Variants in GPR180 observed in about 807,000 individuals in gnomAD.
The protein encoded by GPR180 is G protein-coupled receptor 180.
GPR180 carries 53 observed loss-of-function variants against 52.6 expected under a neutral mutation model. The ratio of observed to expected loss-of-function variants is 1.01; its 90% confidence interval spans 0.81 to 1.27. The LOEUF is 1.27. Among genes scored for constraint, GPR180 ranks in the 50% most tolerant of loss-of-function variants. The pLI is 0.00. For synonymous variants in GPR180, 200 were observed against 193.1 expected, an observed-to-expected ratio of 1.04 and a Z score of -0.30; for missense variants, 533 against 527.0, an observed-to-expected ratio of 1.01 and a Z score of -0.11.
chr13:94,611,525 G>C lies in GPR180; in HGVS notation c.305-665G>C, dbSNP rs538002078. Among the ~76,000 whole-genome samples, 165 of 152,214 alleles carry C rather than the reference G, an allele frequency of 1.1e-3. 1 individual carries two copies. The highest frequency in any genetic ancestry group is 3.9e-3 in the African/African-American group (162 of 41,508). ...AATGTCATTAACCAACCCGGAAACT[G>C]TGAAAATATCGAAAATCAAAATTCA... is the stretch of plus-strand genomic sequence containing the variant. On this transcript the variant is annotated intron_variant, in intron 2 of 8. Coordinates refer to ENST00000376958, the MANE Select transcript of GPR180 (RefSeq NM_180989.6).
Position 94,601,881 on chromosome 13 carries a change from C to A in GPR180, c.-47C>A, listed in dbSNP as rs763374044. The A allele has an allele frequency of 8.5e-5, 114 of 1,338,618 alleles. No individual in the cohort carries two copies. The highest frequency in any genetic ancestry group is 1.0e-4 in the Non-Finnish European group (108 of 1,044,262). 82.9% of individuals were successfully genotyped at this position (1,338,618 alleles called of 1,614,324 possible). A position where few individuals can be genotyped will look rare whatever the true frequency, so the allele number is the denominator to read the frequency against. ...CAGCTGCCGACGTGGGGCGGGCAGC[C>A]GCCGGCGGCTGGGAGCCGAGGCGTC... On this transcript the variant is annotated 5_prime_UTR_variant, in exon 1 of 9. Transcript: ENST00000376958.
chr13:94,626,990 C>T (rs769325812), intron 8 of GPR180, 23 bp from the exon 9 acceptor site: 2 of 1,540,494 alleles, frequency 1.3e-6, no homozygotes, highest in Admixed American at 2.0e-5. Context: ...GTAGTAAAAG[C>T]ATTCCTTTCC....
chr13:94,621,262 C>T (rs760989872), intron 6 of GPR180, 27 bp downstream of exon 6: 4 of 1,506,174 alleles, frequency 2.7e-6, no homozygotes, highest in Non-Finnish European at 3.5e-6. Flanking sequence ...AGTGTTTCTG[C>T]TTAGTAATCC....
At chr13:94,619,097 T>C in intron 3 of GPR180, 53 bp from the exon 4 acceptor site, 1 of 1,440,876 alleles carries the variant, frequency 6.9e-7, no homozygotes, top group Non-Finnish European at 9.6e-7. Flanking sequence ...AGCAGCCCAA[T>C]ACGATAACTG....
At chr13:94,602,414 G>C (rs956906411) in intron 1 of GPR180, among the ~76,000 whole-genome samples, 1 of 151,496 alleles carries the variant, frequency 6.6e-6, no homozygotes, top group Non-Finnish European at 1.5e-5. Context: ...CCGCAAAGAA[G>C]CATATTTGCT....
rs1350463055 is a variant in GPR180, at chr13:94,623,053, T to C, written c.895-56T>C. On this transcript the variant is annotated intron_variant, in intron 6 of 8. Coordinates refer to ENST00000376958, the MANE Select transcript of GPR180 (RefSeq NM_180989.6). Reference sequence around the variant, plus strand: ...ATGTTTATTAAAGAGTTGAAAAAAATATTGTAATGAGGTATATTTTTTTTT... The same window carrying C: ...ATGTTTATTAAAGAGTTGAAAAAAACATTGTAATGAGGTATATTTTTTTTT... 6 of 1,293,954 alleles carry C rather than the reference T, an allele frequency of 4.6e-6. No individual in the cohort carries two copies. In the East Asian group the frequency reaches 1.2e-4, roughly 25 times the overall value. The allele number at this position is 1,293,954 out of a possible 1,614,324, so 80.2% of individuals were successfully genotyped here.
In GPR180 at chr13:94,602,006, G is replaced by A. The variant is rs956650087; in HGVS notation, c.79G>A (p.Gly27Ser). ...GGGCAGCCAGGGTAAGACCCTGCGG[G>A]GCAGCTTCAGCAGCACCGCGGCCCA... ...PQGSQGKTLR[G>S]SFSSTAAQDA... The change falls in exon 1 of 9, where the codon GGC (glycine) becomes AGC (serine). Residue 27 changes from glycine to serine, a missense_variant. By Grantham distance (56) the Gly-to-Ser change is moderately conservative. Transcript: ENST00000376958. The A allele has an allele frequency of 3.4e-6, 5 of 1,474,950 alleles. No homozygotes were observed. Among genetic ancestry groups the A allele is most frequent in the Non-Finnish European group, 4.5e-6 (5 of 1,115,150 alleles). 91.4% of individuals were successfully genotyped at this position (1,474,950 alleles called of 1,614,324 possible).
chr13:94,623,010 T>C, intron 6 of GPR180, 99 bp from the exon 7 acceptor site: 1 of 809,158 alleles, frequency 1.2e-6, no homozygotes, highest in East Asian at 2.6e-5. Flanking sequence ...TAGGAATGTT[T>C]ATATAACATT....
intron 2 of GPR180, among the ~76,000 whole-genome samples, chr13:94,606,818 G>T (rs1042101541): frequency 2.0e-5 from 3 of 152,224 alleles, no homozygotes; most frequent in African/African-American, 4.8e-5. Context: ...AGATGATATT[G>T]TGAGAAGATA....
At chr13:94,602,164 C>A in intron 1 of GPR180, 92 bp downstream of exon 1, 4 of 1,189,168 alleles carry the variant, frequency 3.4e-6, no homozygotes, top group Non-Finnish European at 4.3e-6. Context: ...CTCCCTGCCA[C>A]GTTGGGCGAG....
At chr13:94,622,495 A>C (rs1055924431) in intron 6 of GPR180, among the ~76,000 whole-genome samples, 2 of 152,216 alleles carry the variant, frequency 1.3e-5, no homozygotes, top group Admixed American at 6.5e-5. Flanking sequence ...AGACTATACA[A>C]ATACATACGT....
Position 94,631,645 on chromosome 13 carries a change from G to C in GPR180, c.*4474G>C, listed in dbSNP as rs151221588. On this transcript the variant is annotated 3_prime_UTR_variant, in exon 9 of 9. Coordinates refer to ENST00000376958, the MANE Select transcript of GPR180 (RefSeq NM_180989.6). ...ATACTAGATGCTCAAAAATATTTTT[G>C]AGTGAATGAAGGCAATGCTGAAAAA... 2 of 148,398 alleles carry C rather than the reference G, an allele frequency of 1.3e-5. No individual in the cohort carries two copies. Among genetic ancestry groups the C allele is most frequent in the Non-Finnish European group, 3.0e-5 (2 of 67,354 alleles). The allele number at this position is 148,398 out of a possible 1,614,324, so 9.2% of individuals were successfully genotyped here. A position where few individuals can be genotyped will look rare whatever the true frequency, so the allele number is the denominator to read the frequency against.
intron 6 of GPR180, among the ~76,000 whole-genome samples, chr13:94,621,863 G>A (rs1889856852): frequency 6.6e-6 from 1 of 151,718 alleles, no homozygotes; most frequent in Non-Finnish European, 1.5e-5. Context: ...TATGTTCAAT[G>A]GATTTGTAAA....
chr13:94,631,352 A>G lies in GPR180; in HGVS notation c.*4181A>G, dbSNP rs918767005. The G allele has an allele frequency of 3.3e-5, 5 of 151,824 alleles. No individual in the cohort carries two copies. Among genetic ancestry groups the G allele is most frequent in the Non-Finnish European group, 7.4e-5 (5 of 68,010 alleles). 9.4% of individuals were successfully genotyped at this position (151,824 alleles called of 1,614,324 possible). On this transcript the variant is annotated 3_prime_UTR_variant, in exon 9 of 9. Coordinates refer to ENST00000376958, the MANE Select transcript of GPR180 (RefSeq NM_180989.6). ...GACACAAAAGAAACCGCCTCCTATA[A>G]TCCCTATAATAAGCCCCTTATTTTG...
intron 2 of GPR180, among the ~76,000 whole-genome samples, chr13:94,608,800 G>A (rs535263501): frequency 1.6e-4 from 25 of 152,226 alleles, no homozygotes; most frequent in African/African-American, 4.8e-4. Flanking sequence ...CAGCTCCTAC[G>A]TAAAACCTTG....
At chr13:94,622,326 T>G (rs925408689) in intron 6 of GPR180, among the ~76,000 whole-genome samples, 2 of 152,252 alleles carry the variant, frequency 1.3e-5, no homozygotes, top group African/African-American at 4.8e-5. Context: ...ATTTCATTTT[T>G]ATTATTTCAT....
Position 94,631,613 on chromosome 13 carries a change from C to G in GPR180, c.*4442C>G, listed in dbSNP as rs1223603106. On this transcript the variant is annotated 3_prime_UTR_variant, in exon 9 of 9. Coordinates refer to ENST00000376958, the MANE Select transcript of GPR180 (RefSeq NM_180989.6). ...TGTATGCCTAATACTAGGACACTCC[C>G]TGGTGCATACTAGATGCTCAAAAAT... The G allele has an allele frequency of 1.4e-5, 2 of 145,902 alleles. No homozygotes were observed. The highest frequency in any genetic ancestry group is 7.0e-5 in the Admixed American group (1 of 14,316). 9.0% of individuals were successfully genotyped at this position (145,902 alleles called of 1,614,324 possible). A position where few individuals can be genotyped will look rare whatever the true frequency, so the allele number is the denominator to read the frequency against.
rs1436578166 is a variant in GPR180, at chr13:94,609,470, T to C, written c.305-2720T>C. Among the ~76,000 whole-genome samples the C allele has an allele frequency of 5.9e-5, 9 of 152,302 alleles. No homozygotes were observed. The East Asian group carries it at 1.2e-3, about 20-fold the overall frequency. The stretch of plus-strand genomic sequence containing the variant: ...TATGAAGCATACTTTTATTTCTGTT[T>C]GAAGTAAATCCACATAATTTAAAAT... On this transcript the variant is annotated intron_variant, in intron 2 of 8. Coordinates refer to ENST00000376958, the MANE Select transcript of GPR180 (RefSeq NM_180989.6).
Position 94,631,601 on chromosome 13 carries a change from C to G in GPR180, c.*4430C>G, listed in dbSNP as rs1215064068. On this transcript the variant is annotated 3_prime_UTR_variant, in exon 9 of 9. Coordinates refer to ENST00000376958, the MANE Select transcript of GPR180 (RefSeq NM_180989.6). ...ATTGTTCATTGCTGTATGCCTAATA[C>G]TAGGACACTCCCTGGTGCATACTAG... is the stretch of plus-strand genomic sequence containing the variant. 1 of 146,290 alleles carries G rather than the reference C, an allele frequency of 6.8e-6. No homozygotes were observed. The highest frequency in any genetic ancestry group is 1.5e-5 in the Non-Finnish European group (1 of 66,816). 9.1% of individuals were successfully genotyped at this position (146,290 alleles called of 1,614,324 possible).
Sources: allele counts gnomAD v4.1 joint callset (sites outside exome capture counted in the v4.1 genomes callset), GRCh38; gene constraint gnomAD v4.1.1; transcripts MANE v1.5; gene names NCBI Gene and HGNC (gene_info 2026-07-23, HGNC 2026-07-21).